The following HOOK3 variants were observed in gnomAD, a reference collection of about 807,000 sequenced individuals.
HOOK3 encodes the protein hook microtubule tethering protein 3.
In HOOK3, 24 loss-of-function variants were observed where a neutral mutation model predicts 116.3. The observed-to-expected ratio is 0.21, with a 90% CI of 0.15 to 0.29. HOOK3 has a LOEUF of 0.29. Ranked by LOEUF, HOOK3 falls within the 10% of genes least tolerant of loss-of-function variation. The probability of loss-of-function intolerance (pLI) is 1.00; values close to 1 mark genes in which losing one functional copy is unlikely to be tolerated. For missense variants in HOOK3, 632 were observed against 830.2 expected (o/e 0.76, Z 2.93); for synonymous variants, 275 against 283.0 (o/e 0.97, Z 0.28).
At chr8:42,978,252 CT>C (rs1563305925) in intron 13 of HOOK3, among the ~76,000 whole-genome samples, 1 of 152,004 alleles carries the variant, frequency 6.6e-6, no homozygotes, top group Non-Finnish European at 1.5e-5. Context: ...TAACCATTTT[CT>C]TTTTTTGAGA....
intron 8 of HOOK3, among the ~76,000 whole-genome samples, chr8:42,960,121 TCA>T (rs1268350597): frequency 3.3e-5 from 5 of 152,258 alleles, no homozygotes; most frequent in Non-Finnish European, 5.9e-5. Context: ...TAATAAGATT[TCA>T]TTATTTTTAT....
At chr8:42,978,000 C>G (rs964699535) in intron 13 of HOOK3, among the ~76,000 whole-genome samples, 1 of 152,186 alleles carries the variant, frequency 6.6e-6, no homozygotes, top group Non-Finnish European at 1.5e-5. Flanking sequence ...GGCTCTGCTG[C>G]TAACTAGCTG....
At chr8:42,994,424 T>TTG in intron 15 of HOOK3, 1 of 413,074 alleles carries the variant, frequency 2.4e-6, no homozygotes, top group Non-Finnish European at 4.8e-6. Context: ...TTTTCTCTTT[T>TTG]TTGATGTAGG....
At chr8:42,974,948 T>G (rs1808792506) in intron 13 of HOOK3, among the ~76,000 whole-genome samples, 1 of 152,164 alleles carries the variant, frequency 6.6e-6, no homozygotes, top group Non-Finnish European at 1.5e-5. Context: ...GAGTCCCTCC[T>G]GAATTGCAGG....
In HOOK3 at chr8:42,964,390, C is replaced by G. The variant is rs1403721030; in HGVS notation, c.695C>G (p.Ser232Cys). The G allele has an allele frequency of 1.2e-6, 2 of 1,613,994 alleles. No homozygotes were observed. The highest frequency in any genetic ancestry group is 1.7e-6 in the Non-Finnish European group (2 of 1,179,908). ...VLMERLNQSD[S>C]IEDPNSPAGR... ...ATGGAAAGACTCAATCAATCTGATTCTATAGAAGACCCTAACAGTCCAGCA... is the reference window on the plus strand; with the variant it reads ...ATGGAAAGACTCAATCAATCTGATTGTATAGAAGACCCTAACAGTCCAGCA... The change falls in exon 9 of 22, where the codon TCT (serine) becomes TGT (cysteine). Residue 232 changes from serine to cysteine, a missense_variant. Ser to Cys is a moderately radical substitution (Grantham distance 112, BLOSUM62 -1). Around this residue, in one of 3 missense-constraint regions of HOOK3, gnomAD observed 483 missense variants for 648.1 expected, o/e 0.75. Coordinates refer to ENST00000307602, the MANE Select transcript of HOOK3 (RefSeq NM_032410.4).
chr8:42,971,703 C>G (rs1194304610), intron 11 of HOOK3, among the ~76,000 whole-genome samples: 2 of 151,788 alleles, frequency 1.3e-5, no homozygotes, highest in African/African-American at 4.8e-5. Context: ...TATTTTGAGG[C>G]AGAGTCTGGC....
At chr8:42,993,757 C>G (rs2130462447) in intron 15 of HOOK3, among the ~76,000 whole-genome samples, 1 of 152,166 alleles carries the variant, frequency 6.6e-6, no homozygotes, top group East Asian at 1.9e-4. Flanking sequence ...AGGAATTTAT[C>G]CATTTCTTCT....
intron 16 of HOOK3, 170 bp downstream of exon 16, chr8:42,997,807 T>C: frequency 1.8e-6 from 1 of 558,870 alleles, no homozygotes; most frequent in Non-Finnish European, 3.2e-6. Context: ...GACCAGATAG[T>C]ACTTTATTGT....
chr8:43,009,271 T>C (rs948339878), intron 18 of HOOK3, among the ~76,000 whole-genome samples: 5 of 151,774 alleles, frequency 3.3e-5, no homozygotes, highest in Middle Eastern at 3.4e-3. Flanking sequence ...CCGGGGGTGG[T>C]GGCAAACACC....
rs772367044 is a variant in HOOK3 at position 43,022,859 on chromosome 8, A to ATT, written c.*4361_*4362insTT. Reference sequence around the variant, plus strand: ...GTAATTTTGTTGAGGTTTTATTGTTAATATAATAAAAGCTCAACTGTACAA... The same window carrying ATT: ...GTAATTTTGTTGAGGTTTTATTGTTATTATATAATAAAAGCTCAACTGTACAA... On this transcript the variant is annotated 3_prime_UTR_variant, in exon 22 of 22. Transcript: ENST00000307602. The ATT allele has an allele frequency of 1.7e-4, 29 of 172,154 alleles. No homozygotes were observed. Among genetic ancestry groups the ATT allele is most frequent in the Non-Finnish European group, 3.2e-4 (25 of 79,306 alleles). The allele number at this position is 172,154 out of a possible 1,614,324, so 10.7% of individuals were successfully genotyped here. A position where few individuals can be genotyped will look rare whatever the true frequency, so the allele number is the denominator to read the frequency against.
At chr8:43,002,662 ATAAAAGT>A (rs1809403146) in intron 17 of HOOK3, among the ~76,000 whole-genome samples, 1 of 152,244 alleles carries the variant, frequency 6.6e-6, no homozygotes, top group African/African-American at 2.4e-5. Context: ...TTATTTAAAA[ATAAAAGT>A]TAAGAGACAA....
intron 4 of HOOK3, among the ~76,000 whole-genome samples, chr8:42,931,425 CTTTTTTTTTTT>C (rs764965780): frequency 1.3e-3 from 130 of 100,584 alleles, no homozygotes; most frequent in Non-Finnish European, 1.7e-3. Flanking sequence ...CTTCTCTTCT[CTTTTTTTTTTT>C]TTTTTTTTTT....
intron 13 of HOOK3, 76 bp from the exon 14 acceptor site, chr8:42,982,551 C>CA (rs1385595231): frequency 1.0e-6 from 1 of 968,086 alleles, no homozygotes; most frequent in Non-Finnish European, 1.7e-6. Flanking sequence ...AATTAATGCT[C>CA]AAAGTAGGGT....
chr8:42,900,860 TAAAACAC>T (rs1043897272), intron 1 of HOOK3, among the ~76,000 whole-genome samples: 5 of 152,198 alleles, frequency 3.3e-5, no homozygotes, highest in African/African-American at 1.2e-4. Flanking sequence ...GAGAGCTTGC[TAAAACAC>T]AGATGCCCAG....
At chr8:42,954,278 C>G (rs1460450023) in intron 6 of HOOK3, among the ~76,000 whole-genome samples, 1 of 152,034 alleles carries the variant, frequency 6.6e-6, no homozygotes, top group East Asian at 1.9e-4. Flanking sequence ...TTAAATTTTT[C>G]TATAATAACA....
intron 8 of HOOK3, among the ~76,000 whole-genome samples, chr8:42,962,798 T>TCTTC (rs1554512589): frequency 2.3e-5 from 3 of 131,212 alleles, no homozygotes; most frequent in Non-Finnish European, 3.2e-5. Flanking sequence ...TTCTTCTTCT[T>TCTTC]TTTTTTTTTT....
intron 7 of HOOK3, among the ~76,000 whole-genome samples, chr8:42,957,813 T>C (rs1158450963): frequency 6.6e-6 from 1 of 151,010 alleles, no homozygotes; most frequent in African/African-American, 2.5e-5. Context: ...TTTGTACTTT[T>C]AAATATCTCT....
At chr8:42,934,089 T>C (rs1461058710) in intron 4 of HOOK3, among the ~76,000 whole-genome samples, 1 of 151,912 alleles carries the variant, frequency 6.6e-6, no homozygotes, top group Non-Finnish European at 1.5e-5. Flanking sequence ...ATTTTATTAC[T>C]TTACTTTTCT....
intron 8 of HOOK3, among the ~76,000 whole-genome samples, chr8:42,962,796 C>CTTCTTTTTTTTTTTTTTT (rs1554512590): frequency 6.0e-5 from 6 of 99,350 alleles, no homozygotes; most frequent in African/African-American, 2.2e-4. Context: ...ACTTCTTCTT[C>CTTCTTTTTTTTTTTTTTT]TTTTTTTTTT....
Sources: gnomAD v4.1 joint callset for allele counts (sites outside exome capture counted in the v4.1 genomes callset) on GRCh38, gnomAD v4.1.1 for gene constraint, gnomAD v4.1.1 regional missense constraint, MANE v1.5 for transcripts, NCBI Gene and HGNC (gene_info 2026-07-23, HGNC 2026-07-21) for gene names.